Variants in ATP11B observed in about 807,000 individuals in gnomAD.
ATP11B encodes ATPase phospholipid transporting 11B (putative).
In ATP11B, 81 loss-of-function variants were observed where a neutral mutation model predicts 157.8. The observed-to-expected ratio is 0.51, with a 90% CI of 0.43 to 0.62. The LOEUF is 0.62. ATP11B is among the 20% of genes least tolerant of loss of function. The pLI, the probability that ATP11B is intolerant of heterozygous loss-of-function variation, is 0.00. For synonymous variants in ATP11B, 451 were observed against 469.4 expected, an observed-to-expected ratio of 0.96 and a Z score of 0.51; for missense variants, 1,165 against 1,402.2, an observed-to-expected ratio of 0.83 and a Z score of 2.70.
chr3:182,851,123 T>G (rs1719943108), intron 10 of ATP11B, among the ~76,000 whole-genome samples: 1 of 152,076 alleles, frequency 6.6e-6, no homozygotes, highest in African/African-American at 2.4e-5. Context: ...CAAAACCCTG[T>G]CTCTACTAAA....
chr3:182,847,950 G>A (rs546967210), intron 9 of ATP11B, among the ~76,000 whole-genome samples: 5 of 152,216 alleles, frequency 3.3e-5, no homozygotes, highest in African/African-American at 9.6e-5. Context: ...TTCAATAGGC[G>A]CACATTTTTT....
chr3:182,899,945 A>C (rs570026485), intron 28 of ATP11B, among the ~76,000 whole-genome samples: 1 of 152,284 alleles, frequency 6.6e-6, no homozygotes, highest in Admixed American at 6.5e-5. Context: ...TGAGCTTATT[A>C]ATCATTTAGT....
intron 29 of ATP11B, chr3:182,915,363 A>C (rs187790496): frequency 2.0e-6 from 2 of 985,382 alleles, no homozygotes; most frequent in African/African-American, 3.5e-5. Flanking sequence ...ACGTAGAAGG[A>C]TGAGCACTTA....
At chr3:182,917,025 C>T in intron 29 of ATP11B, 4 of 985,322 alleles carry the variant, frequency 4.1e-6, no homozygotes, top group Non-Finnish European at 4.8e-6. Context: ...AAGTCCTTCC[C>T]TAACCTAAGG....
At chr3:182,825,466 C>A (rs1717650751) in intron 2 of ATP11B, among the ~76,000 whole-genome samples, 1 of 152,110 alleles carries the variant, frequency 6.6e-6, no homozygotes, top group Non-Finnish European at 1.5e-5. Flanking sequence ...CACCTGTAAT[C>A]CTAGTACTTT....
chr3:182,911,915 G>T (rs1394644365), intron 28 of ATP11B, among the ~76,000 whole-genome samples: 1 of 152,210 alleles, frequency 6.6e-6, no homozygotes, highest in East Asian at 1.9e-4. Context: ...GTAGGGGTCA[G>T]CATTCTGACC....
intron 1 of ATP11B, among the ~76,000 whole-genome samples, chr3:182,800,710 T>A (rs546929188): frequency 1.6e-4 from 25 of 152,084 alleles, no homozygotes; most frequent in Non-Finnish European, 3.1e-4. Flanking sequence ...TTTTGCTGAC[T>A]GGCTCACTTA....
intron 28 of ATP11B, among the ~76,000 whole-genome samples, chr3:182,902,117 G>A (rs1412013810): frequency 1.3e-5 from 2 of 152,044 alleles, no homozygotes; most frequent in Non-Finnish European, 2.9e-5. Flanking sequence ...GGCAGTAGTC[G>A]TTATTTTAGC....
chr3:182,913,716 C>T (rs1724954116), intron 28 of ATP11B, 145 bp from the exon 29 acceptor site: 43 of 1,349,328 alleles, frequency 3.2e-5, no homozygotes, highest in South Asian at 3.1e-4. Flanking sequence ...TAAATTAAAG[C>T]CTTTCATATG....
chr3:182,848,656 CAG>C (rs1414906331), intron 10 of ATP11B, 99 bp downstream of exon 10: 7 of 497,268 alleles, frequency 1.4e-5, no homozygotes, highest in South Asian at 8.8e-5. Context: ...ATTAAGTAAA[CAG>C]AATGAAAACC....
intron 12 of ATP11B, 142 bp from the exon 13 acceptor site, chr3:182,865,314 G>C: frequency 1.4e-6 from 1 of 702,696 alleles, no homozygotes; most frequent in East Asian, 2.8e-5. Flanking sequence ...AATTGTGCTT[G>C]GATTATAAGA....
At chr3:182,826,919 C>G (rs1027858304) in intron 2 of ATP11B, among the ~76,000 whole-genome samples, 6 of 152,054 alleles carry the variant, frequency 3.9e-5, no homozygotes, top group Non-Finnish European at 5.9e-5. Flanking sequence ...CGTAAAGTAC[C>G]TCTTTGGAAA....
chr3:182,889,698 A>G lies in ATP11B; in HGVS notation c.2982+150A>G, dbSNP rs1248194960. On this transcript the variant is annotated intron_variant, in intron 25 of 29. Coordinates refer to ENST00000323116, the MANE Select transcript of ATP11B (RefSeq NM_014616.3). Reference sequence around the variant, plus strand: ...GGTTTAAATTTTGTGGTTAAATAATAAAGTTTCATACAAGTGAAAATTGAC... The same window carrying G: ...GGTTTAAATTTTGTGGTTAAATAATGAAGTTTCATACAAGTGAAAATTGAC... The G allele has an allele frequency of 9.8e-6, 7 of 712,674 alleles. No homozygotes were observed. In the Admixed American group the frequency reaches 1.5e-4, roughly 15 times the overall value. 44.1% of individuals were successfully genotyped at this position (712,674 alleles called of 1,614,324 possible).
At chr3:182,851,412 T>C (rs773347342) in intron 10 of ATP11B, among the ~76,000 whole-genome samples, 2 of 152,224 alleles carry the variant, frequency 1.3e-5, no homozygotes, top group Non-Finnish European at 2.9e-5. Context: ...ATTTCCTCCG[T>C]TTCTTCTCAA....
At chr3:182,908,191 A>ATTTTT (rs1724508207) in intron 28 of ATP11B, among the ~76,000 whole-genome samples, 1 of 95,930 alleles carries the variant, frequency 1.0e-5, no homozygotes, top group African/African-American at 4.2e-5. Context: ...TCATATTATT[A>ATTTTT]TTTTCTTTTT....
rs961325669 is a variant in ATP11B, at chr3:182,920,116, A to G, written c.*2012A>G. 6 of 152,220 alleles carry G rather than the reference A, an allele frequency of 3.9e-5. No homozygotes were observed. In the East Asian group the frequency reaches 1.2e-3, roughly 29 times the overall value. The allele number at this position is 152,220 out of a possible 1,614,324, so 9.4% of individuals were successfully genotyped here. On this transcript the variant is annotated 3_prime_UTR_variant, in exon 30 of 30. Coordinates refer to ENST00000323116, the MANE Select transcript of ATP11B (RefSeq NM_014616.3). ...TTGCCATCAAATAAACTGAGTACTG[A>G]CACCAGACAAAGACTCCAAAGTCAT...
chr3:182,832,325 C>G (rs1440443933), intron 4 of ATP11B, among the ~76,000 whole-genome samples: 1 of 152,100 alleles, frequency 6.6e-6, no homozygotes, highest in Non-Finnish European at 1.5e-5. Context: ...TATAAAAGGT[C>G]ATATAGTTTT....
In ATP11B at chr3:182,921,483, T is replaced by TA. The variant is rs1725485484; in HGVS notation, c.*3379_*3380insA. ...ATTGTAGCAATACTTGGTTTAAAAT[T>TA]TTGGACCTGAGACACTGTGGCTGTC... On this transcript the variant is annotated 3_prime_UTR_variant, in exon 30 of 30. Transcript: ENST00000323116. 2 of 152,222 alleles carry TA rather than the reference T, an allele frequency of 1.3e-5. No individual in the cohort carries two copies. The highest frequency in any genetic ancestry group is 2.4e-5 in the African/African-American group (1 of 41,466). 9.4% of individuals were successfully genotyped at this position (152,222 alleles called of 1,614,324 possible).
intron 9 of ATP11B, among the ~76,000 whole-genome samples, chr3:182,847,479 C>T (rs1719624970): frequency 6.6e-6 from 1 of 152,110 alleles, no homozygotes; most frequent in South Asian, 2.1e-4. Flanking sequence ...TGTTGTTTTG[C>T]CTCAGTACCA....
Sources: allele counts gnomAD v4.1 joint callset (sites outside exome capture counted in the v4.1 genomes callset), GRCh38; gene constraint gnomAD v4.1.1; transcripts MANE v1.5; gene names NCBI Gene and HGNC (gene_info 2026-07-23, HGNC 2026-07-21).